The following ISL1 variants were observed in gnomAD, a reference collection of about 807,000 sequenced individuals.
ISL1 encodes the protein insulin gene enhancer protein ISL-1.
Under a neutral mutation model 35.3 loss-of-function variants are expected in ISL1, and 4 were observed. The observed-to-expected ratio is 0.11, with a 90% CI of 0.06 to 0.26. The LOEUF (loss-of-function observed/expected upper bound fraction) is 0.26, where lower values mean the gene tolerates loss of function less well. Ranked by LOEUF, ISL1 falls within the 10% of genes least tolerant of loss-of-function variation. The pLI, the probability that ISL1 is intolerant of heterozygous loss-of-function variation, is 1.00. For missense variants in ISL1, 340 were observed against 472.8 expected (o/e 0.72, Z 2.60); for synonymous variants, 186 against 172.3 (o/e 1.08, Z -0.62).
At chr5:51,391,544 C>T in intron 5 of ISL1, 103 bp downstream of exon 5, 1 of 1,372,124 alleles carries the variant, frequency 7.3e-7, no homozygotes, top group Non-Finnish European at 1.0e-6. Flanking sequence ...CCTTCTTGGG[C>T]TCAGGGTTGG....
intron 3 of ISL1, among the ~76,000 whole-genome samples, chr5:51,388,602 G>T (rs1747409025): frequency 6.6e-6 from 1 of 152,206 alleles, no homozygotes. Context: ...TTAGAAGGTG[G>T]ACAGTGTTTC....
chr5:51,385,904 C>T (rs1747331755), intron 2 of ISL1, among the ~76,000 whole-genome samples: 1 of 152,144 alleles, frequency 6.6e-6, no homozygotes, highest in South Asian at 2.1e-4. Flanking sequence ...TGCTCCTGCT[C>T]ACTTAGTATC....
Position 51,387,785 on chromosome 5 carries a change from G to A in ISL1, c.478+36G>A, listed in dbSNP as rs1362615513. The A allele has an allele frequency of 3.7e-6, 6 of 1,610,474 alleles. No individual in the cohort carries two copies. In the Admixed American group the frequency reaches 1.0e-4, roughly 27 times the overall value. Reference sequence around the variant, plus strand: ...GCCCGGCTCGGGTAGGCAGGCGCCAGGTTAAGCCAGCCTGTGTGCCAGCGG... The same window carrying A: ...GCCCGGCTCGGGTAGGCAGGCGCCAAGTTAAGCCAGCCTGTGTGCCAGCGG... On this transcript the variant is annotated intron_variant, in intron 3 of 5. Transcript: ENST00000230658. This position sits in a 1 kb window ranked among gnomAD's most constrained non-coding sequence, Gnocchi z 4.3.
At chr5:51,384,044 G>A (rs1411734170) in intron 1 of ISL1, among the ~76,000 whole-genome samples, 1 of 152,144 alleles carries the variant, frequency 6.6e-6, no homozygotes, top group Non-Finnish European at 1.5e-5. Context: ...ATGTGAATTA[G>A]CATTAGACTT....
chr5:51,386,417 C>G, intron 2 of ISL1: 3 of 346,286 alleles, frequency 8.7e-6, no homozygotes, highest in Non-Finnish European at 1.7e-5. Context: ...TGTGTGTAAT[C>G]TTGTAGTTGT....
rs368254167 is a variant in ISL1, at chr5:51,390,040, C to T, written c.765+108C>T. 1.6e-5 allele frequency: 21 copies of T among 1,332,794 alleles called. No individual in the cohort carries two copies. In the East Asian group the frequency reaches 3.7e-4, roughly 24 times the overall value. 82.6% of individuals were successfully genotyped at this position (1,332,794 alleles called of 1,614,324 possible). Reference sequence around the variant, plus strand: ...CACGGTTTTCAATCCTGCTCCTGGGCAGGAGTTTGGCCGGGGCTGCCCCTC... The same window carrying T: ...CACGGTTTTCAATCCTGCTCCTGGGTAGGAGTTTGGCCGGGGCTGCCCCTC... On this transcript the variant is annotated intron_variant, in intron 4 of 5. Coordinates refer to ENST00000230658, the MANE Select transcript of ISL1 (RefSeq NM_002202.3).
At chr5:51,384,761 G>A in intron 2 of ISL1, 31 bp downstream of exon 2, 1 of 1,587,778 alleles carries the variant, frequency 6.3e-7, no homozygotes, top group Non-Finnish European at 8.6e-7. Context: ...TCTTAATTTT[G>A]TGGGATTTCC....
rs1381819491 is a variant in ISL1, at chr5:51,390,649, T to G, written c.766-625T>G. Reference sequence around the variant, plus strand: ...TTTCTTTTCTTTCTTTTTCTTTTTTTTTTTTTTTTTTTTTTTTTTTTTTTT... The same window carrying G: ...TTTCTTTTCTTTCTTTTTCTTTTTTGTTTTTTTTTTTTTTTTTTTTTTTTT... On this transcript the variant is annotated intron_variant, in intron 4 of 5. Coordinates refer to ENST00000230658, the MANE Select transcript of ISL1 (RefSeq NM_002202.3). Among the ~76,000 whole-genome samples, 28 of 101,944 alleles carry G rather than the reference T, an allele frequency of 2.7e-4. 2 individuals carry two copies. The highest frequency in any genetic ancestry group is 9.0e-4 in the African/African-American group (26 of 28,798). 66.9% of individuals were successfully genotyped at this position (101,944 alleles called of 152,430 possible). A position where few individuals can be genotyped will look rare whatever the true frequency, so the allele number is the denominator to read the frequency against.
intron 1 of ISL1, 37 bp downstream of exon 1, chr5:51,383,736 T>C (rs765462240): frequency 6.3e-6 from 10 of 1,586,794 alleles, no homozygotes; most frequent in Admixed American, 1.7e-5. Context: ...CTCGGTGTGC[T>C]GTTCTTGTGC....
Position 51,394,671 on chromosome 5 carries a change from TAGAA to T in ISL1, c.*1062_*1065del, listed in dbSNP as rs2111863353. 2 of 152,780 alleles carry T rather than the reference TAGAA, an allele frequency of 1.3e-5. No homozygotes were observed. Among genetic ancestry groups the T allele is most frequent in the South Asian group, 4.1e-4 (2 of 4,830 alleles). 9.5% of individuals were successfully genotyped at this position (152,780 alleles called of 1,614,324 possible). The stretch of plus-strand genomic sequence containing the variant: ...TTATGTGAAATCAAAGCGCCATATG[TAGAA>T]TTATATCTTCAGGACTATTTCACTA... On this transcript the variant is annotated 3_prime_UTR_variant, in exon 6 of 6. Coordinates refer to ENST00000230658, the MANE Select transcript of ISL1 (RefSeq NM_002202.3).
At position 51,383,598 on chromosome 5, in the gene ISL1, A is replaced by G. The variant is rs577644699; in HGVS notation, c.-74A>G. 8.8e-6 allele frequency: 11 copies of G among 1,247,310 alleles called. No individual in the cohort carries two copies. In the East Asian group the frequency reaches 2.5e-4, roughly 29 times the overall value. 77.3% of individuals were successfully genotyped at this position (1,247,310 alleles called of 1,614,324 possible). ...ATATTTCCCACTTAGCCACAGCTCC[A>G]GCATCCTCTCTGTGGGCTGTTCACC... On this transcript the variant is annotated 5_prime_UTR_variant, in exon 1 of 6. Transcript: ENST00000230658.
chr5:51,388,674 A>T (rs146058437), intron 3 of ISL1, among the ~76,000 whole-genome samples: 1 of 152,130 alleles, frequency 6.6e-6, no homozygotes. Flanking sequence ...ATCAATTCCC[A>T]CTAAACACTG....
Position 51,393,729 on chromosome 5 carries a change from C to T in ISL1, c.*119C>T, listed in dbSNP as rs1005698786. 3 of 761,434 alleles carry T rather than the reference C, an allele frequency of 3.9e-6. No homozygotes were observed. Among genetic ancestry groups the T allele is most frequent in the Admixed American group, 3.6e-5 (2 of 56,322 alleles). The allele number at this position is 761,434 out of a possible 1,614,324, so 47.2% of individuals were successfully genotyped here. ...TGAAAACTGAATCAAGAAATGAATG[C>T]TCCATGAAATGCACGAAGTCTGTTT... On this transcript the variant is annotated 3_prime_UTR_variant, in exon 6 of 6. Coordinates refer to ENST00000230658, the MANE Select transcript of ISL1 (RefSeq NM_002202.3).
intron 4 of ISL1, among the ~76,000 whole-genome samples, chr5:51,390,453 C>A (rs986325097): frequency 2.0e-5 from 3 of 151,922 alleles, no homozygotes; most frequent in African/African-American, 7.3e-5. Context: ...CTGGCGAGTT[C>A]CCCCAAGGTG....
Position 51,391,442 on chromosome 5 carries a change from G to T in ISL1, c.933+1G>T. 1 of 1,614,116 alleles carries T rather than the reference G, an allele frequency of 6.2e-7. No homozygotes were observed. The highest frequency in any genetic ancestry group is 1.1e-5 in the South Asian group (1 of 91,074). On this transcript the variant is annotated splice_donor_variant, in intron 5 of 5. Transcript: ENST00000230658. LOFTEE classifies it high-confidence loss of function. ...AGATCAGCCTGCTTTTCAGCAACTG[G>T]TAAGTGTCAGCTCCCAGATGGAAGA... is the stretch of plus-strand genomic sequence containing the variant.
In ISL1 at chr5:51,389,821, G is replaced by T. The variant is rs547239921; in HGVS notation, c.654G>T (p.Thr218=). The part of the protein sequence containing the change: ...ALMKEQLVEM[T]GLSPRVIRVW... ...TGAAGGAGCAACTGGTAGAGATGAC[G>T]GGCCTCAGTCCCCGTGTGATCCGGG... Residue 218 remains threonine, a synonymous_variant, in exon 4 of 6, where the codon ACG becomes ACT. Transcript: ENST00000230658. This position sits in a 1 kb window ranked among gnomAD's most constrained non-coding sequence, Gnocchi z 5.0. 6.2e-7 allele frequency: 1 copy of T among 1,614,214 alleles called. No homozygotes were observed. Among genetic ancestry groups the T allele is most frequent in the South Asian group, 1.1e-5 (1 of 91,090 alleles).
intron 2 of ISL1, chr5:51,386,758 C>A: frequency 5.4e-6 from 2 of 368,952 alleles, no homozygotes; most frequent in Non-Finnish European, 5.3e-6. Context: ...AGGGAACAGA[C>A]GCAGATTTTT....
Position 51,391,766 on chromosome 5 carries a change from T to A in ISL1, c.933+325T>A, listed in dbSNP as rs551944216. 5.5e-4 allele frequency among the ~76,000 whole-genome samples: 84 copies of A among 152,230 alleles called. No homozygotes were observed. The South Asian group carries it at 0.017, about 30-fold the overall frequency. ...ATGTACAGTGTTGGAGAATCATACA[T>A]CTTAGAATTTTAGAGTTGTCAAGGA... On this transcript the variant is annotated intron_variant, in intron 5 of 5. Coordinates refer to ENST00000230658, the MANE Select transcript of ISL1 (RefSeq NM_002202.3).
In ISL1 at chr5:51,391,386, T is replaced by A. The variant is rs1235065616; in HGVS notation, c.878T>A (p.Val293Glu). 6.2e-7 allele frequency: 1 copy of A among 1,614,198 alleles called. No homozygotes were observed. Residue 293 changes from valine to glutamate, a missense_variant, in exon 5 of 6, where the codon GTA becomes GAA. Around this residue, in one of 7 missense-constraint regions of ISL1, gnomAD observed 104 missense variants for 97.3 expected, o/e 1.07. Coordinates refer to ENST00000230658, the MANE Select transcript of ISL1 (RefSeq NM_002202.3). ...CAAAGTTACCAGCCACCTTGGAAAG[T>A]ACTGAGCGACTTCGCCTTGCAGAGT... Reference protein sequence around the residue: ...EVQSYQPPWKVLSDFALQSDI... With the variant: ...EVQSYQPPWKELSDFALQSDI...
Sources: allele counts gnomAD v4.1 joint callset (sites outside exome capture counted in the v4.1 genomes callset), GRCh38; gene constraint gnomAD v4.1.1; regional missense constraint gnomAD v4.1.1; non-coding constraint Gnocchi (gnomAD v3.1); transcripts MANE v1.5; gene names NCBI Gene and HGNC (gene_info 2026-07-23, HGNC 2026-07-21).